The following BCLAF1 variants were observed in gnomAD, a reference collection of about 807,000 sequenced individuals.
The protein encoded by BCLAF1 is BCL2 associated transcription factor 1.
In BCLAF1, 10 loss-of-function variants were observed where a neutral mutation model predicts 99.5. That is an observed-to-expected ratio of 0.10 (90% CI 0.06 to 0.17). The LOEUF (loss-of-function observed/expected upper bound fraction) is 0.17. Among genes scored for constraint, BCLAF1 ranks in the 10% least tolerant of loss-of-function variants. BCLAF1 has a pLI of 1.00. For missense variants in BCLAF1, 636 were observed against 1,105.8 expected, an observed-to-expected ratio of 0.58 and a Z score of 6.02; for synonymous variants, 255 against 370.9, an observed-to-expected ratio of 0.69 and a Z score of 3.59.
chr6:136,276,945 A>T (rs1468994775), intron 4 of BCLAF1, among the ~76,000 whole-genome samples: 2 of 152,204 alleles, frequency 1.3e-5, no homozygotes, highest in African/African-American at 4.8e-5. Context: ...TTTAATTACC[A>T]CTGCAGTAAT....
intron 10 of BCLAF1, among the ~76,000 whole-genome samples, chr6:136,267,411 T>C (rs1020508953): frequency 1.6e-4 from 24 of 152,010 alleles, no homozygotes; most frequent in Non-Finnish European, 3.1e-4. Context: ...TGTACTTTCA[T>C]GGACTGAACT....
intron 4 of BCLAF1, among the ~76,000 whole-genome samples, chr6:136,277,005 A>C (rs1445233743): frequency 1.3e-5 from 2 of 152,198 alleles, no homozygotes; most frequent in African/African-American, 2.4e-5. Flanking sequence ...TTGCTCTAGA[A>C]AAATAATGAT....
chr6:136,269,660 A>T lies in BCLAF1; in HGVS notation c.2044-48T>A, dbSNP rs768248224. On this transcript the variant is annotated intron_variant, in intron 8 of 12. Coordinates refer to ENST00000531224, the MANE Select transcript of BCLAF1 (RefSeq NM_014739.3). Reference sequence around the variant, plus strand: ...ACAGATTTCAGGGGAGAAATAGAAAAAATATATATACACATATTATAGAGT... The same window carrying T: ...ACAGATTTCAGGGGAGAAATAGAAATAATATATATACACATATTATAGAGT... The T allele has an allele frequency of 3.5e-6, 5 of 1,420,336 alleles. No homozygotes were observed. In the African/African-American group the frequency reaches 5.8e-5, roughly 17 times the overall value. The allele number at this position is 1,420,336 out of a possible 1,614,324, so 88.0% of individuals were successfully genotyped here. A position where few individuals can be genotyped will look rare whatever the true frequency, so the allele number is the denominator to read the frequency against.
At chr6:136,289,444 G>C (rs1785650498) in intron 1 of BCLAF1, among the ~76,000 whole-genome samples, 1 of 152,208 alleles carries the variant, frequency 6.6e-6, no homozygotes, top group Non-Finnish European at 1.5e-5. Flanking sequence ...GCGCACGGGA[G>C]GCCGCGCGGG....
chr6:136,268,461 T>A, intron 9 of BCLAF1, 122 bp from the exon 10 acceptor site: 1 of 888,072 alleles, frequency 1.1e-6, no homozygotes, highest in Non-Finnish European at 1.7e-6. Flanking sequence ...ATTATGTAAA[T>A]AAAATAATTG....
chr6:136,262,596 T>C (rs945350742), intron 11 of BCLAF1, among the ~76,000 whole-genome samples: 4 of 152,204 alleles, frequency 2.6e-5, no homozygotes, highest in Non-Finnish European at 5.9e-5. Flanking sequence ...GCTAATAATC[T>C]ATCTTTACCA....
Position 136,281,715 on chromosome 6 carries a change from T to C in BCLAF1, c.-11+869A>G, listed in dbSNP as rs536414007. ...GAGCTACAGATGCTGTGTTGTGCTG[T>C]ATCTCCAGAATCTCTGTTCTTTGCT... On this transcript the variant is annotated intron_variant, in intron 2 of 12. Coordinates refer to ENST00000531224, the MANE Select transcript of BCLAF1 (RefSeq NM_014739.3). Among the ~76,000 whole-genome samples the C allele has an allele frequency of 2.0e-5, 3 of 152,336 alleles. No homozygotes were observed. In the South Asian group the frequency reaches 6.2e-4, roughly 32 times the overall value.
At position 136,259,211 on chromosome 6, in the gene BCLAF1, T is replaced by TTA. The variant is rs1426318156; in HGVS notation, c.*1897_*1898dup. ...TTAACAGAATAAAAGTAACCAAAGGTTAAAGCAATGCATTTGAACTTAAAA... is the reference window on the plus strand; with the variant it reads ...TTAACAGAATAAAAGTAACCAAAGGTTATAAAGCAATGCATTTGAACTTAAAA... On this transcript the variant is annotated 3_prime_UTR_variant, in exon 13 of 13. Transcript: ENST00000531224. 1 of 152,040 alleles carries TTA rather than the reference T, an allele frequency of 6.6e-6. No individual in the cohort carries two copies. The highest frequency in any genetic ancestry group is 1.5e-5 in the Non-Finnish European group (1 of 67,880). The allele number at this position is 152,040 out of a possible 1,614,324, so 9.4% of individuals were successfully genotyped here.
chr6:136,275,635 T>C lies in BCLAF1; in HGVS notation c.1749A>G (p.Gln583=), dbSNP rs1783186016. The change falls in exon 6 of 13, where the codon CAA becomes CAG. Residue 583 remains glutamine (Q), a synonymous_variant. Coordinates refer to ENST00000531224, the MANE Select transcript of BCLAF1 (RefSeq NM_014739.3). ...STLVHSVKKE[Q]EFRSIFDHIK... is the part of the protein sequence containing the mutation. ...TGTGGTCAAAGATGGATCGGAATTC[T>C]TGCTCCTTCTTGACAGAATGGACAA... The C allele has an allele frequency of 3.8e-6, 6 of 1,598,936 alleles. No individual in the cohort carries two copies. The East Asian group carries it at 1.3e-4, about 36-fold the overall frequency.
Position 136,273,098 on chromosome 6 carries a change from T to A in BCLAF1, c.1942A>T (p.Ser648Cys). 6.2e-7 allele frequency: 1 copy of A among 1,611,620 alleles called. No individual in the cohort carries two copies. The highest frequency in any genetic ancestry group is 8.5e-7 in the Non-Finnish European group (1 of 1,178,312). Residue 648 changes from serine to cysteine, a missense_variant, in exon 7 of 13, where the codon AGC becomes TGC. This residue lies in a region of BCLAF1 where 180 missense variants were observed against 270.0 expected (regional missense o/e 0.67). Transcript: ENST00000531224. The stretch of plus-strand genomic sequence containing the variant: ...GATACATACCTGTGTATTTCAGGGC[T>A]CTTTTGCCGAGTACTATGTTCTTCA... ...ATEEHSTRQK[S>C]PEIHRRIDIS...
chr6:136,274,256 G>T (rs1782936455), intron 6 of BCLAF1: 1 of 827,962 alleles, frequency 1.2e-6, no homozygotes, highest in Non-Finnish European at 1.7e-6. Flanking sequence ...GAGCTGTTCA[G>T]ATCGGTTGCA....
chr6:136,282,829 G>GA, intron 1 of BCLAF1, 142 bp from the exon 2 acceptor site: 1 of 152,234 alleles, frequency 6.6e-6, no homozygotes, highest in East Asian at 1.9e-4. Flanking sequence ...CAGGAAATAG[G>GA]AAACTTTTAA....
intron 2 of BCLAF1, among the ~76,000 whole-genome samples, 183 bp downstream of exon 2, chr6:136,282,401 A>ACT (rs1380817529): frequency 6.6e-6 from 1 of 152,118 alleles, no homozygotes; most frequent in Non-Finnish European, 1.5e-5. Context: ...GAAGACAGAA[A>ACT]AAGAACCTTT....
Position 136,268,542 on chromosome 6 carries a change from T to C in BCLAF1, c.2220-203A>G, listed in dbSNP as rs575428815. ...TGTTTTACATCAATAATGAAAAACA[T>C]GCTAGGGCCTGCCAGTTAGAAAATA... On this transcript the variant is annotated intron_variant, in intron 9 of 12. Transcript: ENST00000531224. 1.1e-5 allele frequency: 6 copies of C among 524,606 alleles called. No individual in the cohort carries two copies. In the South Asian group the frequency reaches 1.4e-4, roughly 12 times the overall value. 32.5% of individuals were successfully genotyped at this position (524,606 alleles called of 1,614,324 possible).
Position 136,283,550 on chromosome 6 carries a change from T to A in BCLAF1, c.-114-863A>T, listed in dbSNP as rs117544555. Among the ~76,000 whole-genome samples, 495 of 152,310 alleles carry A rather than the reference T, an allele frequency of 3.2e-3. 11 individuals are homozygous for A. In the East Asian group the frequency reaches 0.051, roughly 16 times the overall value. On this transcript the variant is annotated intron_variant, in intron 1 of 12. Transcript: ENST00000531224. ...AAGTTTAGCTTTATGTATATTCACA[T>A]CAAGTATGTGCAAAGGATAGTCAAA...
intron 6 of BCLAF1, chr6:136,273,429 TAAATC>T: frequency 2.5e-6 from 1 of 404,682 alleles, no homozygotes; most frequent in Non-Finnish European, 4.5e-6. Context: ...ATTAATAGAT[TAAATC>T]AAGAGTCTCT....
rs749781851 is a variant in BCLAF1 at position 136,276,521 on chromosome 6, AAAG to A, written c.1017-16_1017-14del. Reference sequence around the variant, plus strand: ...TTCATCTGTGAACCTGCGAATAAGCAAAGAAGAGGATAGTAACTCTGGATTGCA... The same window carrying A: ...TTCATCTGTGAACCTGCGAATAAGCAAAGAGGATAGTAACTCTGGATTGCA... On this transcript the variant is annotated splice_polypyrimidine_tract_variant and intron_variant, in intron 4 of 12. Transcript: ENST00000531224. The A allele has an allele frequency of 4.4e-6, 7 of 1,579,356 alleles. No homozygotes were observed. The highest frequency in any genetic ancestry group is 1.7e-4 in the Middle Eastern group (1 of 5,904).
In BCLAF1 at chr6:136,260,950, A is replaced by G. The variant is rs1469069782; in HGVS notation, c.*160T>C. 4 of 694,196 alleles carry G rather than the reference A, an allele frequency of 5.8e-6. No homozygotes were observed. Among genetic ancestry groups the G allele is most frequent in the Non-Finnish European group, 9.2e-6 (4 of 433,336 alleles). 43.0% of individuals were successfully genotyped at this position (694,196 alleles called of 1,614,324 possible). A position where few individuals can be genotyped will look rare whatever the true frequency, so the allele number is the denominator to read the frequency against. ...TACAATTTTCAACATACAGTCTACTATTTCTCAAGATATTTGAAGACTTAA... is the reference window on the plus strand; with the variant it reads ...TACAATTTTCAACATACAGTCTACTGTTTCTCAAGATATTTGAAGACTTAA... On this transcript the variant is annotated 3_prime_UTR_variant, in exon 13 of 13. Coordinates refer to ENST00000531224, the MANE Select transcript of BCLAF1 (RefSeq NM_014739.3).
At chr6:136,278,861 A>C (rs1006038966) in intron 3 of BCLAF1, 85 bp from the exon 4 acceptor site, 6 of 1,271,528 alleles carry the variant, frequency 4.7e-6, no homozygotes, top group Non-Finnish European at 6.2e-6. Context: ...ATAACATGTA[A>C]ATAAACAGTA....
Sources: allele counts gnomAD v4.1 joint callset (sites outside exome capture counted in the v4.1 genomes callset), GRCh38; gene constraint gnomAD v4.1.1; regional missense constraint gnomAD v4.1.1; transcripts MANE v1.5; gene names NCBI Gene and HGNC (gene_info 2026-07-23, HGNC 2026-07-21).